MINAR1: variants seen among roughly 807,000 people sequenced by gnomAD.
The protein encoded by MINAR1 is major intrinsically disordered Notch2-binding receptor 1.
In MINAR1, 40 loss-of-function variants were observed where a neutral mutation model predicts 65.1. The observed-to-expected ratio is 0.61, with a 90% CI of 0.48 to 0.80. MINAR1 has a LOEUF of 0.80. MINAR1 is among the 30% of genes least tolerant of loss of function. The pLI, the probability that MINAR1 is intolerant of heterozygous loss-of-function variation, is 0.00. For missense variants in MINAR1, 1,128 were observed against 1,148.0 expected (o/e 0.98, Z 0.25); for synonymous variants, 482 against 449.1 (o/e 1.07, Z -0.93).
chr15:79,427,604 C>T (rs548910746), upstream of MINAR1, among the ~76,000 whole-genome samples: 12 of 152,104 alleles, frequency 7.9e-5, no homozygotes, highest in Non-Finnish European at 1.6e-4. Context: ...TCCTGCCACT[C>T]GTGGAATTCC....
rs565246508 is a variant in MINAR1, at chr15:79,467,083, AAG to A, written c.2554-1100_2554-1099del. On this transcript the variant is annotated intron_variant, in intron 3 of 3. Coordinates refer to ENST00000305428, the MANE Select transcript of MINAR1 (RefSeq NM_015206.3). ...CTAGGGGCACAGAGCAAGATGAAAA[AAG>A]AGAATGAATCTAGAAGGTCAGGCAG... is the stretch of plus-strand genomic sequence containing the variant. Among the ~76,000 whole-genome samples the A allele has an allele frequency of 3.7e-3, 564 of 152,356 alleles. 1 individual carries two copies. The highest frequency in any genetic ancestry group is 6.8e-3 in the Middle Eastern group (2 of 294).
intron 1 of MINAR1, among the ~76,000 whole-genome samples, chr15:79,455,297 T>A (rs1417680541): frequency 1.3e-5 from 2 of 152,244 alleles, no homozygotes; most frequent in Non-Finnish European, 2.9e-5. Context: ...TGCATAATTT[T>A]ATACCATTAT....
chr15:79,429,016 ATG>A (rs1894381774), upstream of MINAR1, among the ~76,000 whole-genome samples: 1 of 152,188 alleles, frequency 6.6e-6, no homozygotes, highest in African/African-American at 2.4e-5. Context: ...ATGAAGAAAG[ATG>A]TGTGTTATGT....
In MINAR1 at chr15:79,469,143, A is replaced by C. The variant is rs1895982547; in HGVS notation, c.*759A>C. The C allele has an allele frequency of 6.6e-6, 1 of 152,592 alleles. No homozygotes were observed. The highest frequency in any genetic ancestry group is 2.4e-5 in the African/African-American group (1 of 41,406). The allele number at this position is 152,592 out of a possible 1,614,324, so 9.5% of individuals were successfully genotyped here. On this transcript the variant is annotated 3_prime_UTR_variant, in exon 4 of 4. Transcript: ENST00000305428. ...TAGGGGAGCTGCCTGCTAACGATGT[A>C]AGGTCAGTATTTGAAAATCATGGCC...
At chr15:79,435,276 C>CAA (rs35709335) in intron 1 of MINAR1, among the ~76,000 whole-genome samples, 1,699 of 140,876 alleles carry the variant, frequency 0.012, 23 homozygotes, top group African/African-American at 0.033. Context: ...AAATCCGTCT[C>CAA]AAAAAAAAAA....
At chr15:79,465,998 T>C (rs373550012) in intron 3 of MINAR1, among the ~76,000 whole-genome samples, 24 of 152,202 alleles carry the variant, frequency 1.6e-4, no homozygotes, top group South Asian at 1.0e-3. Flanking sequence ...GCAGTGGAAC[T>C]GCTCTGGGAA....
the MINAR1 span, chr15:79,426,902 C>T: frequency 6.6e-6 from 1 of 152,194 alleles, no homozygotes; most frequent in African/African-American, 2.4e-5. Flanking sequence ...CCATTTGTCC[C>T]AGCAATCCAT....
intron 1 of MINAR1, among the ~76,000 whole-genome samples, chr15:79,442,270 A>G (rs1230854240): frequency 6.6e-6 from 1 of 152,038 alleles, no homozygotes; most frequent in Non-Finnish European, 1.5e-5. Context: ...CTAACCTTTT[A>G]CCAGTTGATT....
chr15:79,451,334 G>A (rs1895191860), intron 1 of MINAR1, among the ~76,000 whole-genome samples: 1 of 152,170 alleles, frequency 6.6e-6, no homozygotes, highest in Non-Finnish European at 1.5e-5. Context: ...AAGCGCTTTA[G>A]CCAAGGCACA....
At chr15:79,417,228 C>T in the MINAR1 span, 1 of 152,196 alleles carries the variant, frequency 6.6e-6, no homozygotes, top group Non-Finnish European at 1.5e-5. Flanking sequence ...ATTACACCTC[C>T]TTAACAATCA....
chr15:79,431,770 G>C (rs992647729), upstream of MINAR1, among the ~76,000 whole-genome samples: 2 of 152,208 alleles, frequency 1.3e-5, no homozygotes, highest in African/African-American at 4.8e-5. Context: ...CGAACCCCGC[G>C]GGTGGCTCCG....
At chr15:79,453,234 C>T (rs974961946) in intron 1 of MINAR1, among the ~76,000 whole-genome samples, 16 of 152,090 alleles carry the variant, frequency 1.1e-4, no homozygotes, top group Admixed American at 1.3e-4. Context: ...CACAGTGGCT[C>T]TTCCACCCCT....
At chr15:79,446,662 A>G (rs980677890) in intron 1 of MINAR1, among the ~76,000 whole-genome samples, 1 of 152,110 alleles carries the variant, frequency 6.6e-6, no homozygotes, top group African/African-American at 2.4e-5. Flanking sequence ...TTAGGTATCT[A>G]AGGGTGAGTT....
In MINAR1 at chr15:79,458,567, T is replaced by A. The variant is rs1595949543; in HGVS notation, c.2298+122T>A. 6 of 1,250,194 alleles carry A rather than the reference T, an allele frequency of 4.8e-6. No individual in the cohort carries two copies. In the East Asian group the frequency reaches 1.5e-4, roughly 31 times the overall value. 77.4% of individuals were successfully genotyped at this position (1,250,194 alleles called of 1,614,324 possible). A position where few individuals can be genotyped will look rare whatever the true frequency, so the allele number is the denominator to read the frequency against. On this transcript the variant is annotated intron_variant, in intron 2 of 3. Coordinates refer to ENST00000305428, the MANE Select transcript of MINAR1 (RefSeq NM_015206.3). ...CTGGCCTCTGTGTGCCAGTCATCCTTCCAGGTTTGGCAGGGTTTTCACATT... is the reference window on the plus strand; with the variant it reads ...CTGGCCTCTGTGTGCCAGTCATCCTACCAGGTTTGGCAGGGTTTTCACATT...
At position 79,471,082 on chromosome 15, in the gene MINAR1, A is replaced by G. The variant is rs1896061021; in HGVS notation, c.*2698A>G. 1 of 152,108 alleles carries G rather than the reference A, an allele frequency of 6.6e-6. No individual in the cohort carries two copies. The highest frequency in any genetic ancestry group is 6.6e-5 in the Admixed American group (1 of 15,262). The allele number at this position is 152,108 out of a possible 1,614,324, so 9.4% of individuals were successfully genotyped here. ...GATAGAGTCTGGCTAGGAGGGAAAC[A>G]TCTATCCATCTCTCTAATCTTTGCC... is the stretch of plus-strand genomic sequence containing the variant. On this transcript the variant is annotated 3_prime_UTR_variant, in exon 4 of 4. Coordinates refer to ENST00000305428, the MANE Select transcript of MINAR1 (RefSeq NM_015206.3).
rs1292109663 is a variant in MINAR1 at position 79,470,135 on chromosome 15, T to TAAGCCTTA, written c.*1752_*1759dup. On this transcript the variant is annotated 3_prime_UTR_variant, in exon 4 of 4. Transcript: ENST00000305428. ...TTTTCAATTTCAGTAACCGAAAACT[T>TAAGCCTTA]AAGCCTTAGTATGAAAAACTGAGGA... 1 of 152,614 alleles carries TAAGCCTTA rather than the reference T, an allele frequency of 6.6e-6. No individual in the cohort carries two copies. The highest frequency in any genetic ancestry group is 2.4e-5 in the African/African-American group (1 of 41,466). The allele number at this position is 152,614 out of a possible 1,614,324, so 9.5% of individuals were successfully genotyped here. A position where few individuals can be genotyped will look rare whatever the true frequency, so the allele number is the denominator to read the frequency against.
chr15:79,460,555 TAC>T (rs1380150947), intron 2 of MINAR1, among the ~76,000 whole-genome samples: 1 of 151,820 alleles, frequency 6.6e-6, no homozygotes, highest in Non-Finnish European at 1.5e-5. Context: ...CTTTTCCATT[TAC>T]ACCTCTACGT....
chr15:79,411,453 G>T, the MINAR1 span: 3 of 702,562 alleles, frequency 4.3e-6, no homozygotes, highest in South Asian at 1.5e-5. Context: ...ACTATATGCA[G>T]CCAGGCGGAA....
chr15:79,457,047 C>A lies in MINAR1; in HGVS notation c.900C>A (p.Phe300Leu), dbSNP rs755635202. Residue 300 changes from phenylalanine (F) to leucine (L), a missense_variant, in exon 2 of 4, where the codon TTC becomes TTA. Physicochemically the swap from Phe to Leu is conservative, Grantham distance 22. Coordinates refer to ENST00000305428, the MANE Select transcript of MINAR1 (RefSeq NM_015206.3). ...SRKEPHKPPF[F>L]NHSFEMPYNS... ...AGGAACCCCACAAGCCACCCTTCTT[C>A]AACCACAGCTTTGAAATGCCCTATA... is the stretch of plus-strand genomic sequence containing the variant. 11 of 1,614,066 alleles carry A rather than the reference C, an allele frequency of 6.8e-6. No homozygotes were observed. The highest frequency in any genetic ancestry group is 6.7e-5 in the Admixed American group (4 of 60,010).
Sources: gnomAD v4.1 joint callset for allele counts (sites outside exome capture counted in the v4.1 genomes callset) on GRCh38, gnomAD v4.1.1 for gene constraint, MANE v1.5 for transcripts, NCBI Gene and HGNC (gene_info 2026-07-23, HGNC 2026-07-21) for gene names.